The following NUAK2 variants were observed in gnomAD, a reference collection of about 807,000 sequenced individuals.
The protein encoded by NUAK2 is NUAK family kinase 2.
Under a neutral mutation model 29.8 loss-of-function variants are expected in NUAK2, and 20 were observed. The ratio of observed to expected loss-of-function variants is 0.67; its 90% CI spans 0.47 to 0.98. The LOEUF (loss-of-function observed/expected upper bound fraction) is 0.98. Among genes scored for constraint, NUAK2 ranks in the 50% least tolerant of loss-of-function variants. NUAK2 has a pLI of 0.00. For synonymous variants in NUAK2, 331 were observed against 342.6 expected (o/e 0.97, Z 0.37); for missense variants, 719 against 834.5 (o/e 0.86, Z 1.71).
At chr1:205,320,895 C>T (rs1400840031) in intron 1 of NUAK2, among the ~76,000 whole-genome samples, 1 of 135,692 alleles carries the variant, frequency 7.4e-6, no homozygotes, top group African/African-American at 2.9e-5. Flanking sequence ...AATGTCAAAA[C>T]CCACCCCGTG....
chr1:205,309,692 T>C (rs1205114697), intron 2 of NUAK2, among the ~76,000 whole-genome samples: 1 of 152,150 alleles, frequency 6.6e-6, no homozygotes, highest in Non-Finnish European at 1.5e-5. Context: ...ATAATGTCTG[T>C]CTTGAGGATC....
intron 4 of NUAK2, among the ~76,000 whole-genome samples, chr1:205,306,611 A>T (rs1662184624): frequency 6.6e-6 from 1 of 152,132 alleles, no homozygotes; most frequent in Non-Finnish European, 1.5e-5. Context: ...TCTCATGCCC[A>T]TATCCCTTGG....
Position 205,304,014 on chromosome 1 carries a change from G to A in NUAK2, c.1323C>T (p.Pro441=). 8 of 1,613,942 alleles carry A rather than the reference G, an allele frequency of 5.0e-6. No homozygotes were observed. The highest frequency in any genetic ancestry group is 6.8e-6 in the Non-Finnish European group (8 of 1,179,944). Residue 441 remains proline (P), a synonymous_variant, in exon 7 of 7, where the codon CCC becomes CCT. Coordinates refer to ENST00000367157, the MANE Select transcript of NUAK2 (RefSeq NM_030952.3). This position sits in a 1 kb window ranked among gnomAD's most constrained non-coding sequence, Gnocchi z 6.5. ...PIPASPGQAA[P]LLPKKGILKK... ...TGAGAATGCCCTTCTTGGGGAGCAG[G>A]GGGGCAGCCTGCCCTGGGCTCGCAG... is the stretch of plus-strand genomic sequence containing the variant.
At chr1:205,306,949 G>A (rs763932668) in intron 4 of NUAK2, among the ~76,000 whole-genome samples, 5 of 152,178 alleles carry the variant, frequency 3.3e-5, no homozygotes, top group Middle Eastern at 3.2e-3. Context: ...TGTGCACACC[G>A]GGGCAAGAAC....
rs554581734 is a variant in NUAK2, at chr1:205,316,645, A to T, written c.231+4753T>A. On this transcript the variant is annotated intron_variant, in intron 1 of 6. Coordinates refer to ENST00000367157, the MANE Select transcript of NUAK2 (RefSeq NM_030952.3). Reference sequence around the variant, plus strand: ...AGAGCCATTCACGAATTTGCACATCAGGATCTCTACGCACCCTTCCAAACT... The same window carrying T: ...AGAGCCATTCACGAATTTGCACATCTGGATCTCTACGCACCCTTCCAAACT... Among the ~76,000 whole-genome samples, 8 of 152,324 alleles carry T rather than the reference A, an allele frequency of 5.3e-5. No homozygotes were observed. In the South Asian group the frequency reaches 1.7e-3, roughly 32 times the overall value.
At position 205,321,576 on chromosome 1, in the gene NUAK2, T is replaced by A. The variant is rs1662419992; in HGVS notation, c.53A>T (p.Glu18Val). ...RRSGPTPSAA[E>V]LARPLAEGLI... is the part of the protein sequence containing the mutation. ...CCCTTCCGCCAGCGGCCGGGCTAGCTCTGCGGCCGAGGGAGTGGGGCCGGA... is the reference window on the plus strand; with the variant it reads ...CCCTTCCGCCAGCGGCCGGGCTAGCACTGCGGCCGAGGGAGTGGGGCCGGA... The change falls in exon 1 of 7, where the codon GAG (glutamate) becomes GTG (valine). Residue 18 changes from glutamate (E) to valine (V), a missense_variant. This residue lies in a region of NUAK2 where 283 missense variants were observed against 345.6 expected (regional missense o/e 0.82). Coordinates refer to ENST00000367157, the MANE Select transcript of NUAK2 (RefSeq NM_030952.3). 1 of 1,613,320 alleles carries A rather than the reference T, an allele frequency of 6.2e-7. No homozygotes were observed. The highest frequency in any genetic ancestry group is 1.7e-5 in the Admixed American group (1 of 60,000).
intron 1 of NUAK2, among the ~76,000 whole-genome samples, chr1:205,318,865 A>G (rs1293876272): frequency 6.6e-6 from 1 of 152,132 alleles, no homozygotes; most frequent in Admixed American, 6.5e-5. Flanking sequence ...CCCTCAGCCA[A>G]TCCCATCTGG....
rs934846170 is a variant in NUAK2 at position 205,311,866 on chromosome 1, A to G, written c.232-41T>C. ...ATGAGAGTGAGGAGAAAGGTTTGGCAGAGGACACTCTGGGGGCCCTGGTCC... is the reference window on the plus strand; with the variant it reads ...ATGAGAGTGAGGAGAAAGGTTTGGCGGAGGACACTCTGGGGGCCCTGGTCC... On this transcript the variant is annotated intron_variant, in intron 1 of 6. Coordinates refer to ENST00000367157, the MANE Select transcript of NUAK2 (RefSeq NM_030952.3). The G allele has an allele frequency of 8.1e-6, 13 of 1,610,794 alleles. No homozygotes were observed. In the Admixed American group the frequency reaches 1.3e-4, roughly 17 times the overall value.
chr1:205,313,647 C>T (rs553685556), intron 1 of NUAK2, among the ~76,000 whole-genome samples: 1 of 152,084 alleles, frequency 6.6e-6, no homozygotes, highest in Non-Finnish European at 1.5e-5. Flanking sequence ...CCAGTCCCCA[C>T]CCCTTCTCAG....
chr1:205,304,818 G>A lies in NUAK2; in HGVS notation c.824-305C>T, dbSNP rs2102644630. On this transcript the variant is annotated intron_variant, in intron 6 of 6. Coordinates refer to ENST00000367157, the MANE Select transcript of NUAK2 (RefSeq NM_030952.3). The surrounding 1 kb of genome is among the most constrained non-coding windows in gnomAD (Gnocchi z 6.5). The stretch of plus-strand genomic sequence containing the variant: ...TCTCCATTGAAATTCAACCCTCTGA[G>A]GGTAGAGACTGTGTTCAGGGTAAAC... Among the ~76,000 whole-genome samples, 1 of 152,284 alleles carries A rather than the reference G, an allele frequency of 6.6e-6. No individual in the cohort carries two copies. The highest frequency in any genetic ancestry group is 2.4e-5 in the African/African-American group (1 of 41,548).
intron 1 of NUAK2, among the ~76,000 whole-genome samples, chr1:205,314,428 C>CA (rs1419397983): frequency 6.6e-6 from 1 of 152,064 alleles, no homozygotes; most frequent in Non-Finnish European, 1.5e-5. Context: ...GTGAGCTAAG[C>CA]AAAAAACAAA....
rs561167028 is a variant in NUAK2, at chr1:205,303,593, C to G, written c.1744G>C (p.Glu582Gln). The G allele has an allele frequency of 5.0e-6, 8 of 1,612,880 alleles. No homozygotes were observed. The South Asian group carries it at 8.8e-5, about 18-fold the overall frequency. ...CTTCCAGGGCCCTCTGAGGGGGGCT[C>G]CTCAAGCCCCGTGAGGTTGTCCACA... is the stretch of plus-strand genomic sequence containing the variant. Reference protein sequence around the residue: ...VSVDNLTGLEEPPSEGPGSCL... With the variant: ...VSVDNLTGLEQPPSEGPGSCL... The change falls in exon 7 of 7, where the codon GAG (glutamate) becomes CAG (glutamine). Residue 582 changes from glutamate (E) to glutamine (Q), a missense_variant. By Grantham distance (29) the Glu-to-Gln change is conservative. Around this residue, in one of 3 missense-constraint regions of NUAK2, gnomAD observed 430 missense variants for 465.7 expected, o/e 0.92. Coordinates refer to ENST00000367157, the MANE Select transcript of NUAK2 (RefSeq NM_030952.3).
chr1:205,316,604 C>A (rs1662331928), intron 1 of NUAK2, among the ~76,000 whole-genome samples: 4 of 152,180 alleles, frequency 2.6e-5, no homozygotes, highest in Admixed American at 2.6e-4. Flanking sequence ...AAGGTTTGAA[C>A]AAAGGCCAAA....
At chr1:205,306,352 G>A in intron 4 of NUAK2, 45 bp from the exon 5 acceptor site, 1 of 1,570,524 alleles carries the variant, frequency 6.4e-7, no homozygotes, top group East Asian at 2.3e-5. Flanking sequence ...GTCAAGGCCT[G>A]GGTTTTTCTG....
chr1:205,316,718 T>A (rs906652152), intron 1 of NUAK2, among the ~76,000 whole-genome samples: 1 of 152,252 alleles, frequency 6.6e-6, no homozygotes, highest in Non-Finnish European at 1.5e-5. Context: ...CCTGCTACTA[T>A]GCCAGGAAGG....
Position 205,304,124 on chromosome 1 carries a change from T to A in NUAK2, c.1213A>T (p.Lys405Ter). ...TTCTTGAGAATGCCCTTTGGCAGCT[T>A]GAGGTTGCTCTTGCCAGGGCGATGG... is the stretch of plus-strand genomic sequence containing the variant. The part of the protein sequence containing the change: ...TAHRPGKSNL[K>*]LPKGILKKKV... Residue 405 changes from lysine (K) to a stop codon, truncating the protein, a stop_gained, in exon 7 of 7, where the codon AAG (lysine) becomes TAG (stop). Transcript: ENST00000367157. LOFTEE classifies it low-confidence loss of function (END_TRUNC). The surrounding 1 kb of genome is among the most constrained non-coding windows in gnomAD (Gnocchi z 6.5). The A allele has an allele frequency of 1.2e-6, 2 of 1,614,112 alleles. No homozygotes were observed. The highest frequency in any genetic ancestry group is 1.7e-6 in the Non-Finnish European group (2 of 1,179,986).
chr1:205,303,551 G>C lies in NUAK2; in HGVS notation c.1786C>G (p.Arg596Gly), dbSNP rs373396807. 1.2e-5 allele frequency: 20 copies of C among 1,613,470 alleles called. No homozygotes were observed. Among genetic ancestry groups the C allele is most frequent in the Middle Eastern group, 3.3e-4 (2 of 6,084 alleles). ...CAGCTGTCCCCCAAAGGATCCTGCC[G>C]CCAGCGCCTCAGGCAGCTTCCAGGG... ...EGPGSCLRRW[R>G]QDPLGDSCFS... Residue 596 changes from arginine (R) to glycine (G), a missense_variant, in exon 7 of 7, where the codon CGG (arginine) becomes GGG (glycine). Arg to Gly is a moderately radical substitution (Grantham distance 125). Coordinates refer to ENST00000367157, the MANE Select transcript of NUAK2 (RefSeq NM_030952.3).
In NUAK2 at chr1:205,321,558, G is replaced by A. The variant is rs1232067046; in HGVS notation, c.71C>T (p.Ala24Val). The A allele has an allele frequency of 3.7e-6, 6 of 1,613,664 alleles. No individual in the cohort carries two copies. The highest frequency in any genetic ancestry group is 1.1e-5 in the South Asian group (1 of 91,080). Residue 24 changes from alanine to valine, a missense_variant, in exon 1 of 7, where the codon GCG (alanine) becomes GTG (valine). Around this residue, in one of 3 missense-constraint regions of NUAK2, gnomAD observed 283 missense variants for 345.6 expected, o/e 0.82. Coordinates refer to ENST00000367157, the MANE Select transcript of NUAK2 (RefSeq NM_030952.3). ...CTTGGGCGACTTGATCAGCCCTTCC[G>A]CCAGCGGCCGGGCTAGCTCTGCGGC... ...PSAAELARPL[A>V]EGLIKSPKPL... is the part of the protein sequence containing the mutation.
chr1:205,308,541 C>T lies in NUAK2; in HGVS notation c.504+40G>A, dbSNP rs1662212596. On this transcript the variant is annotated intron_variant, in intron 3 of 6. Coordinates refer to ENST00000367157, the MANE Select transcript of NUAK2 (RefSeq NM_030952.3). This position sits in a 1 kb window ranked among gnomAD's most constrained non-coding sequence, Gnocchi z 4.1. ...CAAAACAGCCCTAGAGCCCTGGGGACCACCCACTGAGAATATGGCTGGAGC... is the reference window on the plus strand; with the variant it reads ...CAAAACAGCCCTAGAGCCCTGGGGATCACCCACTGAGAATATGGCTGGAGC... 1.0e-5 allele frequency: 16 copies of T among 1,599,290 alleles called. No homozygotes were observed. The East Asian group carries it at 3.6e-4, about 36-fold the overall frequency.
Sources: allele counts gnomAD v4.1 joint callset (sites outside exome capture counted in the v4.1 genomes callset), GRCh38; gene constraint gnomAD v4.1.1; regional missense constraint gnomAD v4.1.1; non-coding constraint Gnocchi (gnomAD v3.1); transcripts MANE v1.5; gene names NCBI Gene and HGNC (gene_info 2026-07-23, HGNC 2026-07-21).